The following PPARG variants were observed in gnomAD, a reference collection of about 807,000 sequenced individuals.
PPARG encodes the protein peroxisome proliferator activated receptor gamma, also known as peroxisome proliferator-activated receptor gamma.
Under a neutral mutation model 39.2 loss-of-function variants are expected in PPARG, and 17 were observed. The ratio of observed to expected loss-of-function variants is 0.43; its 90% CI spans 0.30 to 0.65. The LOEUF (loss-of-function observed/expected upper bound fraction) is 0.65. PPARG is among the 30% of genes least tolerant of loss of function. PPARG has a pLI of 0.13. For missense variants in PPARG, 406 were observed against 585.9 expected (o/e 0.69, Z 3.17); for synonymous variants, 223 against 215.7 (o/e 1.03, Z -0.30).
intron 2 of PPARG, among the ~76,000 whole-genome samples, chr3:12,325,795 T>A (rs2047678609): frequency 6.6e-6 from 1 of 152,146 alleles, no homozygotes; most frequent in Non-Finnish European, 1.5e-5. Context: ...GGTTGCTATG[T>A]TGACATTTTA....
intron 2 of PPARG, among the ~76,000 whole-genome samples, chr3:12,367,690 A>C (rs967980491): frequency 6.6e-6 from 1 of 150,426 alleles, no homozygotes; most frequent in Admixed American, 6.6e-5. Context: ...CTCTACAAAA[A>C]AAAAAATAAA....
chr3:12,329,903 G>C (rs2047803651), intron 2 of PPARG, among the ~76,000 whole-genome samples: 1 of 152,118 alleles, frequency 6.6e-6, no homozygotes, highest in African/African-American at 2.4e-5. Flanking sequence ...TGTCCTTTTT[G>C]TATGGCTTAT....
chr3:12,347,237 C>T (rs1235694718), intron 2 of PPARG, among the ~76,000 whole-genome samples: 1 of 151,458 alleles, frequency 6.6e-6, no homozygotes, highest in Non-Finnish European at 1.5e-5. Context: ...GAAATCCTAG[C>T]TGCTCTGGAG....
chr3:12,429,446 G>C (rs905992316), intron 7 of PPARG, among the ~76,000 whole-genome samples: 5 of 151,870 alleles, frequency 3.3e-5, no homozygotes, highest in African/African-American at 1.2e-4. Context: ...GGCTGGGAGC[G>C]GTGGCTCCCG....
chr3:12,390,191 T>C (rs550441653), intron 4 of PPARG, among the ~76,000 whole-genome samples: 1 of 152,294 alleles, frequency 6.6e-6, no homozygotes, highest in South Asian at 2.1e-4. Flanking sequence ...GCACCAAATG[T>C]GGAAGAGACT....
At chr3:12,377,320 T>C (rs1047036353) in intron 2 of PPARG, among the ~76,000 whole-genome samples, 3 of 152,162 alleles carry the variant, frequency 2.0e-5, no homozygotes, top group Admixed American at 6.6e-5. Context: ...GTTTTGGGGA[T>C]GGTTTAAAAT....
intron 6 of PPARG, among the ~76,000 whole-genome samples, chr3:12,416,250 A>C (rs2051051764): frequency 6.6e-6 from 1 of 152,182 alleles, no homozygotes; most frequent in South Asian, 2.1e-4. Flanking sequence ...GTGGCAGTGC[A>C]TGCCAGTAAT....
chr3:12,344,580 G>A (rs2048275618), intron 2 of PPARG, among the ~76,000 whole-genome samples: 2 of 152,176 alleles, frequency 1.3e-5, no homozygotes, highest in African/African-American at 4.8e-5. Context: ...AAGAAAATAT[G>A]TCTACTTCCG....
chr3:12,290,930 C>A (rs1251356703), intron 1 of PPARG, among the ~76,000 whole-genome samples: 2 of 152,188 alleles, frequency 1.3e-5, no homozygotes, highest in Non-Finnish European at 2.9e-5. Context: ...CTGGCCCACA[C>A]TTTCACTTCT....
At chr3:12,426,723 C>G (rs1019467709) in intron 7 of PPARG, among the ~76,000 whole-genome samples, 1 of 152,228 alleles carries the variant, frequency 6.6e-6, no homozygotes, top group African/African-American at 2.4e-5. Context: ...AGCTAATTTA[C>G]TGTACAACAG....
At chr3:12,414,776 T>C (rs2051002098) in intron 6 of PPARG, among the ~76,000 whole-genome samples, 1 of 152,104 alleles carries the variant, frequency 6.6e-6, no homozygotes, top group Non-Finnish European at 1.5e-5. Context: ...TGGTCCCAAT[T>C]TCCTTAAAAA....
chr3:12,415,524 C>T (rs1323329201), intron 6 of PPARG, among the ~76,000 whole-genome samples: 2 of 152,148 alleles, frequency 1.3e-5, no homozygotes, highest in Admixed American at 6.6e-5. Flanking sequence ...GACTACAAAC[C>T]TTGCTTAGTT....
chr3:12,418,126 C>T (rs1001582250), intron 7 of PPARG, among the ~76,000 whole-genome samples: 1 of 151,696 alleles, frequency 6.6e-6, no homozygotes, highest in African/African-American at 2.4e-5. Flanking sequence ...ACCAACATGC[C>T]CTGCTAATTT....
intron 1 of PPARG, among the ~76,000 whole-genome samples, chr3:12,296,630 A>G (rs1488437788): frequency 1.3e-5 from 2 of 152,194 alleles, no homozygotes; most frequent in Non-Finnish European, 2.9e-5. Flanking sequence ...ATCATTTATT[A>G]CTTAGAAAAG....
chr3:12,330,886 A>AG (rs2047839893), intron 2 of PPARG, among the ~76,000 whole-genome samples: 1 of 152,226 alleles, frequency 6.6e-6, no homozygotes, highest in East Asian at 1.9e-4. Context: ...GGAGATCCAC[A>AG]AATATATTCT....
intron 4 of PPARG, 108 bp downstream of exon 4, chr3:12,381,599 A>C (rs1256432450): frequency 3.4e-6 from 4 of 1,180,460 alleles, no homozygotes; most frequent in Non-Finnish European, 4.9e-6. Context: ...TCTTCATGGA[A>C]GAGTATCTTG....
chr3:12,352,185 T>C (rs2048509142), intron 2 of PPARG, among the ~76,000 whole-genome samples: 1 of 152,224 alleles, frequency 6.6e-6, no homozygotes, highest in Non-Finnish European at 1.5e-5. Flanking sequence ...AATTGTAAAT[T>C]CCCAGAGTGT....
At chr3:12,291,680 A>G (rs949975133) in intron 1 of PPARG, among the ~76,000 whole-genome samples, 2 of 152,220 alleles carry the variant, frequency 1.3e-5, no homozygotes, top group Non-Finnish European at 2.9e-5. Flanking sequence ...TCTGTCATCA[A>G]TAATAGTATA....
At chr3:12,346,959 A>G (rs934206471) in intron 2 of PPARG, among the ~76,000 whole-genome samples, 1 of 152,278 alleles carries the variant, frequency 6.6e-6, no homozygotes, top group African/African-American at 2.4e-5. Context: ...TTAAATCAAA[A>G]TAATATAATT....
Sources: allele counts gnomAD v4.1 joint callset (sites outside exome capture counted in the v4.1 genomes callset), GRCh38; gene constraint gnomAD v4.1.1; transcripts MANE v1.5; gene names NCBI Gene and HGNC (gene_info 2026-07-23, HGNC 2026-07-21).